Variants in ARHGEF4 observed in about 807,000 individuals in gnomAD.
ARHGEF4 encodes Rho guanine nucleotide exchange factor 4, also known as APC-stimulated guanine nucleotide exchange factor 1.
A neutral mutation model predicts 162.0 loss-of-function variants in ARHGEF4; 119 were observed. The observed-to-expected ratio is 0.73, with a 90% CI of 0.63 to 0.86. The LOEUF (loss-of-function observed/expected upper bound fraction) is 0.86, where lower values mean the gene tolerates loss of function less well. Ranked by LOEUF, ARHGEF4 falls within the 40% of genes least tolerant of loss-of-function variation. The probability of loss-of-function intolerance (pLI) is 0.00; values close to 1 mark genes in which losing one functional copy is unlikely to be tolerated. For missense variants in ARHGEF4, 2,488 were observed against 2,456.0 expected (o/e 1.01, Z -0.28); for synonymous variants, 1,014 against 979.9 (o/e 1.03, Z -0.65).
chr2:130,997,210 C>T (rs1372212740), intron 4 of ARHGEF4, among the ~76,000 whole-genome samples: 3 of 152,164 alleles, frequency 2.0e-5, no homozygotes, highest in African/African-American at 7.2e-5. Context: ...GATGGGGATC[C>T]AGCTTCCCTT....
chr2:130,940,612 G>A (rs576395795), intron 3 of ARHGEF4, among the ~76,000 whole-genome samples: 68 of 151,332 alleles, frequency 4.5e-4, no homozygotes, highest in Non-Finnish European at 8.0e-4. Context: ...AGGCCGAGGC[G>A]GGTGGATCAC....
intron 1 of ARHGEF4, among the ~76,000 whole-genome samples, chr2:130,897,149 C>T (rs1368307023): frequency 1.3e-5 from 2 of 152,192 alleles, no homozygotes; most frequent in African/African-American, 2.4e-5. Flanking sequence ...CCCTGTCTGT[C>T]AGTGGATGTG....
chr2:130,905,850 A>G (rs796994812), intron 1 of ARHGEF4, among the ~76,000 whole-genome samples: 21 of 152,352 alleles, frequency 1.4e-4, no homozygotes, highest in African/African-American at 5.1e-4. Context: ...ATCATAGTGT[A>G]TATAGGGTTC....
At chr2:131,001,321 A>C (rs1044482666) in intron 4 of ARHGEF4, among the ~76,000 whole-genome samples, 6 of 151,520 alleles carry the variant, frequency 4.0e-5, no homozygotes, top group Non-Finnish European at 7.4e-5. Context: ...AAAAAAAAAA[A>C]AAAAAAACAG....
intron 1 of ARHGEF4, among the ~76,000 whole-genome samples, chr2:130,889,385 C>T (rs1383466478): frequency 6.6e-6 from 1 of 152,040 alleles, no homozygotes; most frequent in Admixed American, 6.5e-5. Flanking sequence ...TATTTAGTCA[C>T]TTATTAACTG....
intron 9 of ARHGEF4, 134 bp from the exon 10 acceptor site, chr2:131,041,681 G>A: frequency 7.7e-7 from 1 of 1,291,104 alleles, no homozygotes; most frequent in African/African-American, 1.5e-5. Context: ...GAGGGGCTGT[G>A]CATCTGATAG....
At chr2:130,988,876 A>G (rs62178931) in intron 4 of ARHGEF4, among the ~76,000 whole-genome samples, 5,130 of 57,972 alleles carry the variant, frequency 0.088, 89 homozygotes, top group African/African-American at 0.12. Flanking sequence ...GTGTGTGTAT[A>G]TATATATATA....
At chr2:130,910,370 G>A (rs555513683) in intron 1 of ARHGEF4, among the ~76,000 whole-genome samples, 2 of 152,310 alleles carry the variant, frequency 1.3e-5, no homozygotes, top group East Asian at 3.9e-4. Context: ...ATTAATATCA[G>A]AGGATGGCCT....
intron 1 of ARHGEF4, among the ~76,000 whole-genome samples, chr2:130,874,516 G>A (rs1678700433): frequency 6.6e-6 from 1 of 152,146 alleles, no homozygotes; most frequent in Non-Finnish European, 1.5e-5. Context: ...TTCCTTAAAG[G>A]GTACTCTGAG....
At chr2:131,005,066 CTGA>C (rs1024488071) in intron 4 of ARHGEF4, among the ~76,000 whole-genome samples, 4 of 152,194 alleles carry the variant, frequency 2.6e-5, no homozygotes, top group African/African-American at 9.6e-5. Flanking sequence ...CTGAGTATGG[CTGA>C]GGGCTGTATG....
intron 1 of ARHGEF4, among the ~76,000 whole-genome samples, chr2:130,878,930 A>G (rs1003540057): frequency 6.6e-6 from 1 of 152,218 alleles, no homozygotes; most frequent in Non-Finnish European, 1.5e-5. Context: ...GGGACACATA[A>G]GAGAGGAAGT....
At chr2:130,979,810 A>C (rs1285261321) in intron 4 of ARHGEF4, among the ~76,000 whole-genome samples, 3 of 151,686 alleles carry the variant, frequency 2.0e-5, no homozygotes, top group Non-Finnish European at 2.9e-5. Flanking sequence ...TCAGACAGAC[A>C]CCCAATATCA....
chr2:131,017,503 G>A (rs1688845160), intron 4 of ARHGEF4, among the ~76,000 whole-genome samples: 1 of 152,164 alleles, frequency 6.6e-6, no homozygotes, highest in Non-Finnish European at 1.5e-5. Flanking sequence ...TTTCTCCCAG[G>A]CTGCAAATTT....
intron 4 of ARHGEF4, among the ~76,000 whole-genome samples, chr2:130,952,448 C>G (rs1321832617): frequency 6.6e-6 from 1 of 152,100 alleles, no homozygotes; most frequent in Non-Finnish European, 1.5e-5. Flanking sequence ...AAACCCACAG[C>G]CAATATCATA....
Position 131,040,114 on chromosome 2 carries a change from C to G in ARHGEF4, c.4404C>G (p.Asp1468Glu). Residue 1468 changes from aspartate to glutamate, a missense_variant, in exon 7 of 14, where the codon GAC becomes GAG. By Grantham distance (45) the Asp-to-Glu change is conservative. Coordinates refer to ENST00000409359, the MANE Select transcript of ARHGEF4 (RefSeq NM_001367493.1). ...DGGAEAQSSK[D>E]QMRTNVINEI... is the part of the protein sequence containing the mutation. Reference sequence around the variant, plus strand: ...GGGCGGAGGCGCAGAGCAGCAAGGACCAGATGCGGACCAACGTCATCAACG... The same window carrying G: ...GGGCGGAGGCGCAGAGCAGCAAGGAGCAGATGCGGACCAACGTCATCAACG... 6.2e-7 allele frequency: 1 copy of G among 1,612,488 alleles called. No homozygotes were observed. The highest frequency in any genetic ancestry group is 1.1e-5 in the South Asian group (1 of 90,976).
At chr2:130,960,673 G>C (rs1684572800) in intron 4 of ARHGEF4, among the ~76,000 whole-genome samples, 1 of 152,106 alleles carries the variant, frequency 6.6e-6, no homozygotes, top group Admixed American at 6.5e-5. Context: ...TCTTTTAATA[G>C]TATCAGAAGT....
intron 1 of ARHGEF4, among the ~76,000 whole-genome samples, chr2:130,899,530 A>G (rs551099221): frequency 3.3e-5 from 5 of 152,208 alleles, no homozygotes; most frequent in Non-Finnish European, 7.3e-5. Flanking sequence ...CAGTGGTTCA[A>G]TACTCTTGAC....
intron 1 of ARHGEF4, among the ~76,000 whole-genome samples, chr2:130,913,255 A>C (rs1559034634): frequency 6.6e-6 from 1 of 152,210 alleles, no homozygotes; most frequent in Non-Finnish European, 1.5e-5. Context: ...TTTTGGGGAA[A>C]TGGAAACAGT....
chr2:130,891,949 G>T (rs1679885093), intron 1 of ARHGEF4, among the ~76,000 whole-genome samples: 1 of 152,078 alleles, frequency 6.6e-6, no homozygotes, highest in East Asian at 1.9e-4. Context: ...GAAACAGGTG[G>T]CAACTGGATT....
Sources: gnomAD v4.1 joint callset for allele counts (sites outside exome capture counted in the v4.1 genomes callset) on GRCh38, gnomAD v4.1.1 for gene constraint, MANE v1.5 for transcripts, NCBI Gene and HGNC (gene_info 2026-07-23, HGNC 2026-07-21) for gene names.